Variants in ZNF169 observed in about 807,000 individuals in gnomAD.
ZNF169 encodes the protein zinc finger protein 169.
A neutral mutation model predicts 12.0 loss-of-function variants in ZNF169; 11 were observed. That is an observed-to-expected ratio of 0.92 (90% CI 0.58 to 1.52). The LOEUF is 1.52. Among genes scored for constraint, ZNF169 ranks in the 40% most tolerant of loss-of-function variants. The pLI is 0.00. For missense variants in ZNF169, 722 were observed against 744.0 expected (o/e 0.97, Z 0.34); for synonymous variants, 302 against 286.5 (o/e 1.05, Z -0.55).
At chr9:94,283,666 A>G (rs1830676734) in intron 2 of ZNF169, among the ~76,000 whole-genome samples, 1 of 152,236 alleles carries the variant, frequency 6.6e-6, no homozygotes, top group Non-Finnish European at 1.5e-5. Context: ...CTTTAAGTCA[A>G]CTTTCTTAAT....
chr9:94,284,254 A>G (rs1830686037), intron 2 of ZNF169, among the ~76,000 whole-genome samples: 1 of 150,946 alleles, frequency 6.6e-6, no homozygotes. Flanking sequence ...GAGGAACCCC[A>G]TCTCTACTAA....
rs776260757 is a variant in ZNF169 at position 94,300,299 on chromosome 9, A to G, written c.741A>G (p.Ser247=). The change falls in exon 5 of 5, where the codon TCA becomes TCG. Residue 247 remains serine, a synonymous_variant. Coordinates refer to ENST00000395395, the MANE Select transcript of ZNF169 (RefSeq NM_194320.4). The stretch of plus-strand genomic sequence containing the variant: ...GCGGGAGAGGCTTTTGCCAGAGATC[A>G]GACCTTATCAAGCACCAGAGGACAC... ...PECGRGFCQR[S]DLIKHQRTHT... 21 of 1,614,094 alleles carry G rather than the reference A, an allele frequency of 1.3e-5. No homozygotes were observed. Among genetic ancestry groups the G allele is most frequent in the Admixed American group, 3.3e-5 (2 of 60,010 alleles).
At chr9:94,277,492 C>T (rs996522992) in intron 1 of ZNF169, among the ~76,000 whole-genome samples, 24 of 152,120 alleles carry the variant, frequency 1.6e-4, no homozygotes, top group Non-Finnish European at 2.9e-5. Flanking sequence ...TGGGGTAATA[C>T]ATTTTGATTT....
rs1198380706 is a variant in ZNF169 at position 94,300,387 on chromosome 9, C to G, written c.829C>G (p.Leu277Val). 2 of 1,613,790 alleles carry G rather than the reference C, an allele frequency of 1.2e-6. No individual in the cohort carries two copies. Among genetic ancestry groups the G allele is most frequent in the African/African-American group, 2.7e-5 (2 of 74,830 alleles). Reference sequence around the variant, plus strand: ...GCGTCGGTTTAGCCAGAAGGCCTCCCTCTCCATACACCAGAGGAAGCACTC... The same window carrying G: ...GCGTCGGTTTAGCCAGAAGGCCTCCGTCTCCATACACCAGAGGAAGCACTC... Reference protein sequence around the residue: ...CGRRFSQKASLSIHQRKHSGE... With the variant: ...CGRRFSQKASVSIHQRKHSGE... The change falls in exon 5 of 5, where the codon CTC becomes GTC. Residue 277 changes from leucine to valine, a missense_variant. By Grantham distance (32) the Leu-to-Val change is conservative. Transcript: ENST00000395395.
At chr9:94,276,931 T>G (rs1215415213) in intron 1 of ZNF169, among the ~76,000 whole-genome samples, 1 of 152,152 alleles carries the variant, frequency 6.6e-6, no homozygotes, top group African/African-American at 2.4e-5. Context: ...TAAAATATTT[T>G]CAGAGATTTA....
At position 94,300,508 on chromosome 9, in the gene ZNF169, C is replaced by T. The variant is rs1290990647; in HGVS notation, c.950C>T (p.Pro317Leu). The change falls in exon 5 of 5, where the codon CCC becomes CTC. Residue 317 changes from proline (P) to leucine (L), a missense_variant. By Grantham distance (98) the Pro-to-Leu change is moderately conservative. Transcript: ENST00000395395. The part of the protein sequence containing the change: ...NHKRIHSGER[P>L]FVCQECGRGF... ...AAGAGGATTCACTCCGGGGAGAGGC[C>T]CTTTGTATGTCAGGAGTGTGGGCGA... 1.9e-6 allele frequency: 3 copies of T among 1,614,174 alleles called. No homozygotes were observed. The highest frequency in any genetic ancestry group is 2.5e-6 in the Non-Finnish European group (3 of 1,180,038).
chr9:94,278,790 A>C lies in ZNF169; in HGVS notation c.-23A>C. ...TCTGCAACTTGACTCTCCTCTAGGA[A>C]GAGTACTCCAGAGAGCAGGGATATG... On this transcript the variant is annotated 5_prime_UTR_variant, in exon 2 of 5. Transcript: ENST00000395395. 1 of 1,612,514 alleles carries C rather than the reference A, an allele frequency of 6.2e-7. No homozygotes were observed. Among genetic ancestry groups the C allele is most frequent in the Non-Finnish European group, 8.5e-7 (1 of 1,179,026 alleles).
In ZNF169 at chr9:94,300,413, G is replaced by C; in HGVS notation, c.855G>C (p.Ser285=). The C allele has an allele frequency of 6.2e-7, 1 of 1,612,788 alleles. No homozygotes were observed. The highest frequency in any genetic ancestry group is 2.2e-5 in the East Asian group (1 of 44,740). Residue 285 remains serine, a synonymous_variant, in exon 5 of 5, where the codon TCG becomes TCC. Coordinates refer to ENST00000395395, the MANE Select transcript of ZNF169 (RefSeq NM_194320.4). Reference sequence around the variant, plus strand: ...TCTCCATACACCAGAGGAAGCACTCGGGGGAGAAGCCGTATGTGTGCAGGG... The same window carrying C: ...TCTCCATACACCAGAGGAAGCACTCCGGGGAGAAGCCGTATGTGTGCAGGG... ...ASLSIHQRKH[S]GEKPYVCREC... is the part of the protein sequence containing the mutation.
At chr9:94,270,350 T>C (rs1225875594) in intron 1 of ZNF169, among the ~76,000 whole-genome samples, 1 of 151,948 alleles carries the variant, frequency 6.6e-6, no homozygotes, top group East Asian at 1.9e-4. Flanking sequence ...TTTTCACTTC[T>C]TTTCTACTCT....
At chr9:94,287,270 G>T (rs1184642856) in intron 2 of ZNF169, among the ~76,000 whole-genome samples, 2 of 152,142 alleles carry the variant, frequency 1.3e-5, no homozygotes, top group Admixed American at 6.5e-5. Flanking sequence ...TAACTTGGGG[G>T]TCTAACATGA....
intron 4 of ZNF169, 168 bp from the exon 5 acceptor site, chr9:94,299,647 T>C: frequency 7.1e-7 from 1 of 1,399,972 alleles, no homozygotes; most frequent in Non-Finnish European, 9.2e-7. Flanking sequence ...GTTTGGCTGA[T>C]AGGACTAGTT....
intron 4 of ZNF169, chr9:94,293,324 A>G: frequency 3.4e-6 from 2 of 592,706 alleles, no homozygotes; most frequent in East Asian, 2.8e-5. Context: ...GAGCACATTC[A>G]GGATTTCTCC....
At chr9:94,277,071 T>C (rs572435697) in intron 1 of ZNF169, among the ~76,000 whole-genome samples, 5 of 152,140 alleles carry the variant, frequency 3.3e-5, no homozygotes, top group Non-Finnish European at 7.3e-5. Context: ...ATAAATACAT[T>C]TAAGAAATAC....
At chr9:94,294,854 A>C (rs1489983619) in intron 4 of ZNF169, 1 of 152,170 alleles carries the variant, frequency 6.6e-6, no homozygotes, top group East Asian at 1.9e-4. Context: ...ACTGGAATTA[A>C]TTTTATATGA....
At chr9:94,293,414 AT>A in intron 4 of ZNF169, 1 of 579,990 alleles carries the variant, frequency 1.7e-6, no homozygotes, top group South Asian at 2.2e-5. Context: ...CTGGTTTTTT[AT>A]TTTTATTTTT....
chr9:94,276,876 C>G (rs1385872899), intron 1 of ZNF169, among the ~76,000 whole-genome samples: 1 of 152,080 alleles, frequency 6.6e-6, no homozygotes, highest in Non-Finnish European at 1.5e-5. Context: ...TCCTCCATAT[C>G]CAGAATATCA....
intron 1 of ZNF169, among the ~76,000 whole-genome samples, chr9:94,277,433 A>T (rs185299981): frequency 3.1e-4 from 47 of 152,334 alleles, no homozygotes; most frequent in African/African-American, 1.0e-3. Context: ...GATTTTTCCC[A>T]CAAGAGACTT....
intron 2 of ZNF169, among the ~76,000 whole-genome samples, chr9:94,290,953 T>C (rs971803592): frequency 2.0e-5 from 3 of 152,038 alleles, no homozygotes; most frequent in Non-Finnish European, 4.4e-5. Flanking sequence ...GTAGTAGTTA[T>C]CCTGTTTGTG....
intron 1 of ZNF169, among the ~76,000 whole-genome samples, chr9:94,268,706 G>A (rs2118554006): frequency 6.6e-6 from 1 of 150,546 alleles, no homozygotes; most frequent in East Asian, 2.0e-4. Flanking sequence ...AGAATTGCTT[G>A]AACCGGGAGG....
Sources: gnomAD v4.1 joint callset for allele counts (sites outside exome capture counted in the v4.1 genomes callset) on GRCh38, gnomAD v4.1.1 for gene constraint, MANE v1.5 for transcripts, NCBI Gene and HGNC (gene_info 2026-07-23, HGNC 2026-07-21) for gene names.